Variants in NR1I2 observed in about 807,000 individuals in gnomAD.
NR1I2 encodes nuclear receptor subfamily 1 group I member 2, also known as orphan nuclear receptor PAR1.
Under a neutral mutation model 43.3 loss-of-function variants are expected in NR1I2, and 42 were observed. The ratio of observed to expected loss-of-function variants is 0.97; its 90% CI spans 0.76 to 1.26. The LOEUF is 1.26. Ranked by LOEUF, NR1I2 falls within the 50% of genes most tolerant of loss-of-function variation. The pLI, the probability that NR1I2 is intolerant of heterozygous loss-of-function variation, is 0.00. For missense variants in NR1I2, 559 were observed against 566.7 expected, an observed-to-expected ratio of 0.99 and a Z score of 0.14; for synonymous variants, 229 against 215.0, an observed-to-expected ratio of 1.06 and a Z score of -0.57.
At chr3:119,802,861 T>G (rs1308935158) in intron 1 of NR1I2, 1 of 456,516 alleles carries the variant, frequency 2.2e-6, no homozygotes, top group Non-Finnish European at 4.4e-6. Context: ...ATATGATAAA[T>G]GCTATGATGA....
At chr3:119,782,612 A>C (rs1054105063) in intron 1 of NR1I2, 6 of 637,698 alleles carry the variant, frequency 9.4e-6, no homozygotes, top group Middle Eastern at 4.2e-4. Context: ...GCTCCCTGTT[A>C]CAGGGCTGGA....
Position 119,811,557 on chromosome 3 carries a change from C to T in NR1I2, c.350C>T (p.Ala117Val). Reference sequence around the variant, plus strand: ...CCTGCAGTGATCATGTCCGACGAGGCCGTGGAGGAGAGGCGGGCCTTGATC... The same window carrying T: ...CCTGCAGTGATCATGTCCGACGAGGTCGTGGAGGAGAGGCGGGCCTTGATC... The change falls in exon 4 of 9, where the codon GCC becomes GTC. Residue 117 changes from alanine (A) to valine (V), a missense_variant. Physicochemically the swap from Ala to Val is moderately conservative, Grantham distance 64. Transcript: ENST00000393716. The T allele has an allele frequency of 6.2e-7, 1 of 1,613,402 alleles. No homozygotes were observed. Among genetic ancestry groups the T allele is most frequent in the Non-Finnish European group, 8.5e-7 (1 of 1,179,656 alleles).
chr3:119,812,790 T>C lies in NR1I2; in HGVS notation c.624T>C (p.Ser208=). ...GCCAGGTCCGGAAAGATCTGTGCTC[T>C]TTGAAGGTCTCTCTGCAGCTGCGGG... Residue 208 remains serine (S), a synonymous_variant, in exon 5 of 9, where the codon TCT becomes TCC. Coordinates refer to ENST00000393716, the MANE Select transcript of NR1I2 (RefSeq NM_003889.4). 1 of 1,614,238 alleles carries C rather than the reference T, an allele frequency of 6.2e-7. No homozygotes were observed. The highest frequency in any genetic ancestry group is 8.5e-7 in the Non-Finnish European group (1 of 1,180,040).
intron 1 of NR1I2, chr3:119,782,570 G>T: frequency 1.7e-6 from 1 of 593,126 alleles, no homozygotes; most frequent in Admixed American, 2.8e-5. Flanking sequence ...CTTAACTACT[G>T]CATGAGTTAC....
chr3:119,802,929 G>A (rs115649056), intron 1 of NR1I2: 39 of 456,524 alleles, frequency 8.5e-5, no homozygotes, highest in Middle Eastern at 3.2e-4. Context: ...CCCCAAATTC[G>A]TATGTTAAAA....
Position 119,815,710 on chromosome 3 carries a change from C to A in NR1I2, c.1055-16C>A, listed in dbSNP as rs753842425. ...CTTTGCCCCATGATCTTGCACCACA[C>A]CTCCCTCCCCTCCAGACCGCCCAGG... On this transcript the variant is annotated splice_polypyrimidine_tract_variant and intron_variant, in intron 7 of 8. Coordinates refer to ENST00000393716, the MANE Select transcript of NR1I2 (RefSeq NM_003889.4). 1.0e-5 allele frequency: 16 copies of A among 1,602,214 alleles called. No individual in the cohort carries two copies. The highest frequency in any genetic ancestry group is 1.4e-5 in the Non-Finnish European group (16 of 1,171,922).
At chr3:119,797,737 A>C (rs1346343374) in intron 1 of NR1I2, among the ~76,000 whole-genome samples, 8 of 152,164 alleles carry the variant, frequency 5.3e-5, no homozygotes, top group Admixed American at 5.2e-4. Context: ...CTGAAGTTCC[A>C]TGCTCCCCAC....
intron 3 of NR1I2, chr3:119,810,570 T>C (rs1393470148): frequency 2.5e-5 from 7 of 276,950 alleles, no homozygotes; most frequent in Non-Finnish European, 4.9e-5. Flanking sequence ...AGGAGCCACA[T>C]GGGTGATAGG....
intron 1 of NR1I2, among the ~76,000 whole-genome samples, chr3:119,789,496 T>C (rs1559782840): frequency 6.6e-6 from 1 of 152,192 alleles, no homozygotes; most frequent in Admixed American, 6.5e-5. Context: ...ATGAGACTTA[T>C]TCACTGCCAT....
intron 1 of NR1I2, chr3:119,792,247 G>A: frequency 1.3e-6 from 2 of 1,543,452 alleles, no homozygotes; most frequent in South Asian, 1.1e-5. Flanking sequence ...ATCACCCAGA[G>A]AGAACTGGTC....
At chr3:119,786,536 A>G (rs2054845448) in intron 1 of NR1I2, among the ~76,000 whole-genome samples, 1 of 152,230 alleles carries the variant, frequency 6.6e-6, no homozygotes, top group Non-Finnish European at 1.5e-5. Context: ...CTATAAAACC[A>G]CAGGCAACAC....
rs561350711 is a variant in NR1I2, at chr3:119,805,717, C to CCCA, written c.-22-1512_-22-1511insCCA. Among the ~76,000 whole-genome samples the CCCA allele has an allele frequency of 2.6e-3, 249 of 96,614 alleles. 2 individuals are homozygous for CCCA. The highest frequency in any genetic ancestry group is 5.7e-3 in the Middle Eastern group (1 of 176). The allele number at this position is 96,614 out of a possible 152,430, so 63.4% of individuals were successfully genotyped here. A position where few individuals can be genotyped will look rare whatever the true frequency, so the allele number is the denominator to read the frequency against. ...GACTTGGTCCCCCCCTCCCCCCCACCAAAAAAAAAAGAAAAGAAAAGAAAA... is the reference window on the plus strand; with the variant it reads ...GACTTGGTCCCCCCCTCCCCCCCACCCCAAAAAAAAAAAGAAAAGAAAAGAAAA... On this transcript the variant is annotated intron_variant, in intron 1 of 8. Transcript: ENST00000393716.
rs201480271 is a variant in NR1I2 at position 119,812,736 on chromosome 3, C to A, written c.570C>A (p.Ala190=). ...GCGAGTTGCCAGAGTCTCTGCAGGC[C>A]CCATCGAGGGAAGAAGCTGCCAAGT... Residue 190 remains alanine, a synonymous_variant, in exon 5 of 9, where the codon GCC becomes GCA. Transcript: ENST00000393716. 6 of 1,613,996 alleles carry A rather than the reference C, an allele frequency of 3.7e-6. No homozygotes were observed. Among genetic ancestry groups the A allele is most frequent in the Non-Finnish European group, 5.1e-6 (6 of 1,180,028 alleles).
At chr3:119,785,894 C>A (rs2054836410) in intron 1 of NR1I2, among the ~76,000 whole-genome samples, 1 of 152,210 alleles carries the variant, frequency 6.6e-6, no homozygotes, top group Non-Finnish European at 1.5e-5. Context: ...GAGATTGATT[C>A]TAATGCTTCT....
At chr3:119,798,916 G>C (rs2055039070) in intron 1 of NR1I2, among the ~76,000 whole-genome samples, 1 of 152,094 alleles carries the variant, frequency 6.6e-6, no homozygotes, top group African/African-American at 2.4e-5. Flanking sequence ...AGTATTCCAG[G>C]TGCATTCCAC....
chr3:119,782,750 A>G (rs1016860555), intron 1 of NR1I2: 1 of 1,612,246 alleles, frequency 6.2e-7, no homozygotes, highest in Non-Finnish European at 8.5e-7. Flanking sequence ...GAGGCCAAGG[A>G]CAGCAGCATG....
At chr3:119,804,723 G>C (rs1374663314) in intron 1 of NR1I2, among the ~76,000 whole-genome samples, 1 of 151,966 alleles carries the variant, frequency 6.6e-6, no homozygotes, top group Admixed American at 6.6e-5. Context: ...TGGGATTACA[G>C]GTATGAGCCA....
At position 119,810,130 on chromosome 3, in the gene NR1I2, G is replaced by T. The variant is rs756712963; in HGVS notation, c.267G>T (p.Lys89Asn). ...AGGGCGCCTGCGAGATCACCCGGAA[G>T]ACCCGGCGACAGTGCCAGGCCTGCC... Residue 89 changes from lysine to asparagine, a missense_variant, in exon 3 of 9, where the codon AAG (lysine) becomes AAT (asparagine). Lys to Asn is a moderately conservative substitution (Grantham distance 94, BLOSUM62 0). Coordinates refer to ENST00000393716, the MANE Select transcript of NR1I2 (RefSeq NM_003889.4). 4 of 1,613,468 alleles carry T rather than the reference G, an allele frequency of 2.5e-6. No individual in the cohort carries two copies. Among genetic ancestry groups the T allele is most frequent in the Middle Eastern group, 1.6e-4 (1 of 6,062 alleles).
intron 1 of NR1I2, among the ~76,000 whole-genome samples, chr3:119,785,000 A>G (rs1236965402): frequency 2.0e-5 from 3 of 152,230 alleles, no homozygotes; most frequent in Middle Eastern, 3.2e-3. Flanking sequence ...TTCTAGTTAG[A>G]CAAACATATC....
Sources: allele counts gnomAD v4.1 joint callset (sites outside exome capture counted in the v4.1 genomes callset), GRCh38; gene constraint gnomAD v4.1.1; transcripts MANE v1.5; gene names NCBI Gene and HGNC (gene_info 2026-07-23, HGNC 2026-07-21).